PPP1R9A: variants seen among roughly 807,000 people sequenced by gnomAD.
The protein encoded by PPP1R9A is protein phosphatase 1 regulatory subunit 9A, also known as neurabin-1.
Under a neutral mutation model 141.9 loss-of-function variants are expected in PPP1R9A, and 59 were observed. The ratio of observed to expected loss-of-function variants is 0.42; its 90% CI spans 0.34 to 0.52. The LOEUF is 0.52. Among genes scored for constraint, PPP1R9A ranks in the 20% least tolerant of loss-of-function variants. PPP1R9A has a pLI of 0.10. For synonymous variants in PPP1R9A, 500 were observed against 569.7 expected (o/e 0.88, Z 1.74); for missense variants, 1,444 against 1,611.9 (o/e 0.90, Z 1.78).
chr7:94,980,895 A>G (rs1800026089), intron 2 of PPP1R9A, among the ~76,000 whole-genome samples: 1 of 152,206 alleles, frequency 6.6e-6, no homozygotes, highest in African/African-American at 2.4e-5. Context: ...TATTTGTATA[A>G]CTAATCTTTG....
At chr7:95,171,544 C>A (rs1446354339) in intron 5 of PPP1R9A, among the ~76,000 whole-genome samples, 1 of 151,282 alleles carries the variant, frequency 6.6e-6, no homozygotes, top group Admixed American at 6.6e-5. Context: ...AAGGATTAAC[C>A]AATATTATGA....
At chr7:95,211,211 C>T (rs1303334784) in intron 7 of PPP1R9A, among the ~76,000 whole-genome samples, 1 of 151,498 alleles carries the variant, frequency 6.6e-6, no homozygotes, top group East Asian at 1.9e-4. Context: ...ACAGACAATA[C>T]CTTTGGCCTG....
chr7:95,165,543 T>C (rs921952968), intron 5 of PPP1R9A, among the ~76,000 whole-genome samples: 2 of 152,216 alleles, frequency 1.3e-5, no homozygotes, highest in African/African-American at 4.8e-5. Context: ...CAAGCCACAA[T>C]TGAACAGACA....
rs181120244 is a variant in PPP1R9A at position 95,118,241 on chromosome 7, A to G, written c.1529-2471A>G. Among the ~76,000 whole-genome samples, 4 of 152,336 alleles carry G rather than the reference A, an allele frequency of 2.6e-5. No homozygotes were observed. In the East Asian group the frequency reaches 5.8e-4, roughly 22 times the overall value. On this transcript the variant is annotated intron_variant, in intron 3 of 19. Coordinates refer to ENST00000433360, the MANE Select transcript of PPP1R9A (RefSeq NM_001166160.2). The stretch of plus-strand genomic sequence containing the variant: ...GTTTCTGTGGCGAAACTTTAAAACT[A>G]TAATGAATGTAGAAAATCTTTAACA...
chr7:95,288,373 A>C (rs1196939919), intron 18 of PPP1R9A, among the ~76,000 whole-genome samples, 163 bp from the exon 19 acceptor site: 2 of 152,198 alleles, frequency 1.3e-5, no homozygotes, highest in Admixed American at 1.3e-4. Flanking sequence ...AAAAACATAT[A>C]GGTAATAAGT....
At chr7:94,948,816 A>G (rs1044300988) in intron 2 of PPP1R9A, among the ~76,000 whole-genome samples, 2 of 152,112 alleles carry the variant, frequency 1.3e-5, no homozygotes, top group African/African-American at 4.8e-5. Flanking sequence ...CCAGGTTTAA[A>G]CAGAGAGCTC....
chr7:95,042,705 C>T (rs548840900), intron 2 of PPP1R9A, among the ~76,000 whole-genome samples: 2 of 151,894 alleles, frequency 1.3e-5, no homozygotes, highest in South Asian at 2.1e-4. Flanking sequence ...AACTTCTTGT[C>T]GATGTTGAAT....
At chr7:94,963,715 G>A (rs1328295702) in intron 2 of PPP1R9A, among the ~76,000 whole-genome samples, 1 of 152,056 alleles carries the variant, frequency 6.6e-6, no homozygotes, top group African/African-American at 2.4e-5. Flanking sequence ...TTGGATTTTT[G>A]ATTTTTTGAA....
At chr7:95,106,405 T>C (rs1375004800) in intron 2 of PPP1R9A, among the ~76,000 whole-genome samples, 1 of 152,182 alleles carries the variant, frequency 6.6e-6, no homozygotes, top group Non-Finnish European at 1.5e-5. Flanking sequence ...TTGGGGATCG[T>C]ATGAATTGGG....
intron 2 of PPP1R9A, among the ~76,000 whole-genome samples, chr7:94,947,234 T>C (rs1469035532): frequency 6.6e-6 from 1 of 152,170 alleles, no homozygotes; most frequent in Non-Finnish European, 1.5e-5. Context: ...GACATTGGCT[T>C]GCATTGCCTG....
rs542498542 is a variant in PPP1R9A at position 95,072,975 on chromosome 7, A to T, written c.1396-38284A>T. Among the ~76,000 whole-genome samples the T allele has an allele frequency of 4.6e-3, 605 of 131,638 alleles. 6 individuals are homozygous for T. Among genetic ancestry groups the T allele is most frequent in the African/African-American group, 0.017 (571 of 34,400 alleles). The allele number at this position is 131,638 out of a possible 152,430, so 86.4% of individuals were successfully genotyped here. ...TATTATAATATGTTATATATAATAT[A>T]ATAATAATATTATTATTATTATTAT... is the stretch of plus-strand genomic sequence containing the variant. On this transcript the variant is annotated intron_variant, in intron 2 of 19. Coordinates refer to ENST00000433360, the MANE Select transcript of PPP1R9A (RefSeq NM_001166160.2).
At chr7:95,224,226 C>G (rs1794833693) in intron 7 of PPP1R9A, among the ~76,000 whole-genome samples, 1 of 152,064 alleles carries the variant, frequency 6.6e-6, no homozygotes, top group South Asian at 2.1e-4. Flanking sequence ...ACATAGGATC[C>G]AACTGGAGGC....
At chr7:95,115,916 C>CAAAAA (rs746135056) in intron 3 of PPP1R9A, among the ~76,000 whole-genome samples, 2 of 60,226 alleles carry the variant, frequency 3.3e-5, no homozygotes, top group African/African-American at 5.5e-5. Flanking sequence ...GACTCTGTCT[C>CAAAAA]AAAAAAAAAA....
chr7:94,984,246 A>G (rs537160911), intron 2 of PPP1R9A, among the ~76,000 whole-genome samples: 1 of 152,296 alleles, frequency 6.6e-6, no homozygotes, highest in Admixed American at 6.5e-5. Context: ...TATTTTATTG[A>G]GGATTTTTGC....
intron 8 of PPP1R9A, among the ~76,000 whole-genome samples, chr7:95,240,583 TATAC>T (rs1303005149): frequency 4.6e-5 from 7 of 152,072 alleles, no homozygotes; most frequent in African/African-American, 1.7e-4. Flanking sequence ...TTGGGTAAAA[TATAC>T]ATGTATAGTT....
At chr7:95,252,204 C>G (rs1798974293) in intron 12 of PPP1R9A, 74 bp downstream of exon 12, 1 of 1,410,722 alleles carries the variant, frequency 7.1e-7, no homozygotes, top group Non-Finnish European at 9.3e-7. Flanking sequence ...TTTTTCTGAC[C>G]CAGAGATTTA....
At chr7:95,230,516 A>G (rs1795776936) in intron 8 of PPP1R9A, among the ~76,000 whole-genome samples, 1 of 152,092 alleles carries the variant, frequency 6.6e-6, no homozygotes. Context: ...TGCAAAATGC[A>G]CTGGAAGGTC....
At chr7:95,286,480 C>T (rs1455539955) in intron 18 of PPP1R9A, among the ~76,000 whole-genome samples, 155 bp downstream of exon 18, 1 of 152,166 alleles carries the variant, frequency 6.6e-6, no homozygotes, top group Non-Finnish European at 1.5e-5. Flanking sequence ...TTCTCTCCCT[C>T]CCTTTCTCAA....
intron 8 of PPP1R9A, among the ~76,000 whole-genome samples, chr7:95,230,338 T>A (rs1795750456): frequency 6.6e-6 from 1 of 152,022 alleles, no homozygotes. Flanking sequence ...CAGAAAAATA[T>A]TTTAGAAGGT....
Sources: gnomAD v4.1 joint callset for allele counts (sites outside exome capture counted in the v4.1 genomes callset) on GRCh38, gnomAD v4.1.1 for gene constraint, MANE v1.5 for transcripts, NCBI Gene and HGNC (gene_info 2026-07-23, HGNC 2026-07-21) for gene names.